FGF13: variants seen among roughly 807,000 people sequenced by gnomAD.
FGF13 encodes fibroblast growth factor homologous factor 2.
Under a neutral mutation model 19.5 loss-of-function variants are expected in FGF13, and 2 were observed. That is an observed-to-expected ratio of 0.10 (90% CI 0.04 to 0.32). The LOEUF is 0.32. Ranked by LOEUF, FGF13 falls within the 10% of genes least tolerant of loss-of-function variation. FGF13 has a pLI of 1.00. For missense variants in FGF13, 113 were observed against 192.7 expected (o/e 0.59, Z 2.45); for synonymous variants, 72 against 76.9 (o/e 0.94, Z 0.33).
At chrX:139,004,609 GA>G (rs763521716) in intron 1 of FGF13, among the ~76,000 whole-genome samples, 30 of 112,556 alleles carry the variant, frequency 2.7e-4, no homozygotes, top group African/African-American at 8.4e-4. Flanking sequence ...GCCACAAAGG[GA>G]CAGAACACCA....
At chrX:138,776,294 A>G (rs1175680408) in intron 3 of FGF13, among the ~76,000 whole-genome samples, 1 of 112,623 alleles carries the variant, frequency 8.9e-6, no homozygotes, top group Non-Finnish European at 1.9e-5. Context: ...AGTAACACTG[A>G]ATGTTATATA....
chrX:138,655,981 T>A (rs1401607202), intron 3 of FGF13, among the ~76,000 whole-genome samples: 2 of 112,082 alleles, frequency 1.8e-5, no homozygotes, highest in Non-Finnish European at 3.8e-5. Flanking sequence ...AAACACTTAC[T>A]GAACACCTAC....
chrX:139,152,061 G>T (rs2083938162), intron 1 of FGF13, among the ~76,000 whole-genome samples: 2 of 111,447 alleles, frequency 1.8e-5, no homozygotes, highest in South Asian at 7.5e-4. Context: ...AATCTCCATT[G>T]CCTGAATGAG....
intron 1 of FGF13, among the ~76,000 whole-genome samples, chrX:139,030,982 A>C (rs2092224496): frequency 9.0e-6 from 1 of 111,591 alleles, no homozygotes. Context: ...GCCTTGGCGG[A>C]CTTATTTAAA....
chrX:138,980,925 T>C (rs1398694157), intron 1 of FGF13, among the ~76,000 whole-genome samples: 2 of 111,504 alleles, frequency 1.8e-5, no homozygotes, highest in Non-Finnish European at 3.8e-5. Context: ...TTAGGAAACA[T>C]ACATTGAAAT....
At chrX:138,845,195 T>C (rs1345048662) in intron 3 of FGF13, among the ~76,000 whole-genome samples, 1 of 111,207 alleles carries the variant, frequency 9.0e-6, no homozygotes, top group Admixed American at 9.6e-5. Flanking sequence ...TGCAACACAA[T>C]CTTGATAATC....
At chrX:139,094,162 C>A (rs1314506955) in intron 1 of FGF13, among the ~76,000 whole-genome samples, 1 of 111,556 alleles carries the variant, frequency 9.0e-6, no homozygotes, top group Non-Finnish European at 1.9e-5. Flanking sequence ...GGATTCCTTT[C>A]TTAAAAATGT....
intron 1 of FGF13, among the ~76,000 whole-genome samples, chrX:139,189,400 T>C (rs979644413): frequency 4.5e-5 from 5 of 111,649 alleles, no homozygotes; most frequent in African/African-American, 1.6e-4. Context: ...TTTCCCTCCT[T>C]GGACGAATGG....
intron 3 of FGF13, among the ~76,000 whole-genome samples, chrX:138,757,500 C>A (rs985707085): frequency 9.0e-6 from 1 of 110,636 alleles, no homozygotes; most frequent in Non-Finnish European, 1.9e-5. Context: ...CAGTCAAAGG[C>A]CTGAAGGAAG....
chrX:139,093,175 G>A (rs1454847344), intron 1 of FGF13, among the ~76,000 whole-genome samples: 1 of 112,313 alleles, frequency 8.9e-6, no homozygotes, highest in African/African-American at 3.2e-5. Flanking sequence ...CCTATGAAAA[G>A]AGATGTAAAA....
At position 139,004,853 on chromosome X, in the gene FGF13, C is replaced by T. The variant is rs926801307; in HGVS notation, c.-112-140203G>A. ...TCTGCCTGTGGAATGGGGAGGAAAG[C>T]GTGGGAAGGACCACATCTCACAGTT... On this transcript the variant is annotated intron_variant, in intron 1 of 2. Transcript: ENST00000421460. Among the ~76,000 whole-genome samples, 3 of 111,910 alleles carry T rather than the reference C, an allele frequency of 2.7e-5. 1 individual carries two copies. Among genetic ancestry groups the T allele is most frequent in the Admixed American group, 1.9e-4 (2 of 10,602 alleles).
intron 1 of FGF13, among the ~76,000 whole-genome samples, chrX:138,976,410 G>A (rs1395637111): frequency 9.0e-6 from 1 of 111,670 alleles, no homozygotes; most frequent in African/African-American, 3.3e-5. Flanking sequence ...CTTGGATGGA[G>A]CTGGAGGCCA....
chrX:138,688,131 A>T (rs1414936327), intron 3 of FGF13, among the ~76,000 whole-genome samples: 2 of 98,041 alleles, frequency 2.0e-5, no homozygotes, highest in Non-Finnish European at 4.2e-5. Flanking sequence ...AATTTTTTGT[A>T]TTTTTTTTTT....
At chrX:138,841,448 G>A (rs1271387603) in intron 3 of FGF13, among the ~76,000 whole-genome samples, 2 of 110,912 alleles carry the variant, frequency 1.8e-5, no homozygotes, top group Non-Finnish European at 3.8e-5. Flanking sequence ...AACAAATTGA[G>A]TCTTATTTTA....
intron 1 of FGF13, among the ~76,000 whole-genome samples, chrX:139,050,704 T>C (rs2092301146): frequency 8.9e-6 from 1 of 112,147 alleles, no homozygotes; most frequent in African/African-American, 3.2e-5. Flanking sequence ...GTTGGGTGTA[T>C]TCTGACAAAA....
intron 3 of FGF13, among the ~76,000 whole-genome samples, chrX:138,777,041 C>T (rs2090593446): frequency 8.9e-6 from 1 of 111,830 alleles, no homozygotes; most frequent in African/African-American, 3.3e-5. Context: ...TCTTATGATC[C>T]TCCCCCTATC....
In FGF13 at chrX:139,117,429, T is replaced by A. The variant is rs775610892; in HGVS notation, c.-113+85987A>T. On this transcript the variant is annotated intron_variant, in intron 1 of 2. Coordinates refer to the FGF13 transcript ENST00000421460. ...TCTTATCCAAGGTCATTCTTATCTA[T>A]CTGTCATCTATATATTGGACCTATC... Among the ~76,000 whole-genome samples the A allele has an allele frequency of 1.3e-4, 15 of 111,983 alleles. No individual in the cohort carries two copies. In the South Asian group the frequency reaches 5.7e-3, roughly 42 times the overall value.
intron 1 of FGF13, among the ~76,000 whole-genome samples, chrX:138,731,056 G>A (rs1367434343): frequency 9.0e-6 from 1 of 110,772 alleles, no homozygotes; most frequent in African/African-American, 3.3e-5. Context: ...ACTAACAAAG[G>A]CACTACATAT....
chrX:138,726,194 T>C (rs774821236), intron 1 of FGF13, among the ~76,000 whole-genome samples: 1 of 111,072 alleles, frequency 9.0e-6, no homozygotes, highest in South Asian at 3.8e-4. Context: ...GGTTTTCATT[T>C]GCTACATCAA....
Sources: gnomAD v4.1 joint callset for allele counts (sites outside exome capture counted in the v4.1 genomes callset) on GRCh38, gnomAD v4.1.1 for gene constraint, MANE v1.5 for transcripts, NCBI Gene and HGNC (gene_info 2026-07-23, HGNC 2026-07-21) for gene names.